The following PPM1M variants were observed in gnomAD, a reference collection of about 807,000 sequenced individuals.
The protein encoded by PPM1M is protein phosphatase, Mg2+/Mn2+ dependent 1M, also known as protein phosphatase 1M.
A neutral mutation model predicts 50.8 loss-of-function variants in PPM1M; 44 were observed. The observed-to-expected ratio is 0.87, with a 90% CI of 0.68 to 1.11. The LOEUF (loss-of-function observed/expected upper bound fraction) is 1.11. Ranked by LOEUF, PPM1M falls within the 50% of genes most tolerant of loss-of-function variation. PPM1M has a pLI of 0.00. For missense variants in PPM1M, 556 were observed against 593.4 expected, an observed-to-expected ratio of 0.94 and a Z score of 0.66; for synonymous variants, 224 against 242.9, an observed-to-expected ratio of 0.92 and a Z score of 0.72.
chr3:52,248,232 C>A lies in PPM1M; in HGVS notation c.790C>A (p.Gln264Lys). ...TPETERQRIQ[Q>K]LAFVYPELLA... is the part of the protein sequence containing the mutation. Reference sequence around the variant, plus strand: ...AGAGACTGAGCGGCAGCGGATCCAGCAGCTGGTAGGTGCCCTTGGCAGCAT... The same window carrying A: ...AGAGACTGAGCGGCAGCGGATCCAGAAGCTGGTAGGTGCCCTTGGCAGCAT... Residue 264 changes from glutamine to lysine, a missense_variant, in exon 5 of 10, where the codon CAG becomes AAG. Gln to Lys is a moderately conservative substitution (Grantham distance 53, BLOSUM62 1). Transcript: ENST00000323588. 6.2e-7 allele frequency: 1 copy of A among 1,613,048 alleles called. No individual in the cohort carries two copies. The highest frequency in any genetic ancestry group is 8.5e-7 in the Non-Finnish European group (1 of 1,179,476).
At position 52,246,736 on chromosome 3, in the gene PPM1M, C is replaced by A. The variant is rs528775868; in HGVS notation, c.266C>A (p.Ala89Asp). Residue 89 changes from alanine to aspartate, a missense_variant, in exon 2 of 10, where the codon GCC becomes GAC. Physicochemically the swap from Ala to Asp is moderately radical, Grantham distance 126 (BLOSUM62 -2). Transcript: ENST00000323588. The part of the protein sequence containing the change: ...AEKSEFNEDQ[A>D]ACGKLCIRRC... ...AAATCTGAATTCAATGAGGATCAAG[C>A]CGCCTGTGGGAAGCTGTGCATCCGG... 1.5e-6 allele frequency: 2 copies of A among 1,321,810 alleles called. No individual in the cohort carries two copies. Among genetic ancestry groups the A allele is most frequent in the African/African-American group, 3.0e-5 (2 of 66,744 alleles). 81.9% of individuals were successfully genotyped at this position (1,321,810 alleles called of 1,614,324 possible).
Position 52,248,969 on chromosome 3 carries a change from G to T in PPM1M, c.992G>T (p.Gly331Val). 1 of 1,606,982 alleles carries T rather than the reference G, an allele frequency of 6.2e-7. No homozygotes were observed. The highest frequency in any genetic ancestry group is 1.1e-5 in the South Asian group (1 of 89,810). ...ACTTTCCCTCAGGCTCGGTTACTAG[G>T]AACACTGGCTGTCTCCCGGGGCCTG... ...HGQGRQARLL[G>V]TLAVSRGLGD... The change falls in exon 8 of 10, where the codon GGA becomes GTA. Residue 331 changes from glycine to valine, a missense_variant. Gly to Val is a moderately radical substitution (Grantham distance 109). Transcript: ENST00000323588.
At chr3:52,247,575 G>A (rs1421262289) in intron 3 of PPM1M, 107 bp from the exon 4 acceptor site, 3 of 789,512 alleles carry the variant, frequency 3.8e-6, no homozygotes, top group African/African-American at 3.4e-5. Flanking sequence ...GGCTGGGACT[G>A]TCAGGCCTGC....
intron 4 of PPM1M, 49 bp from the exon 5 acceptor site, chr3:52,248,104 T>C: frequency 6.6e-7 from 1 of 1,509,308 alleles, no homozygotes; most frequent in East Asian, 2.4e-5. Flanking sequence ...TGGCCATGGG[T>C]GAGGGTGGAG....
chr3:52,249,709 G>A lies in PPM1M; in HGVS notation c.1275G>A (p.Gln425=). ...KLAQMLIHST[Q]GKEDSLTEEG... Reference sequence around the variant, plus strand: ...CCCAGATGCTGATACACAGCACACAGGGAAAGGAAGACAGTCTCACAGAGG... The same window carrying A: ...CCCAGATGCTGATACACAGCACACAAGGAAAGGAAGACAGTCTCACAGAGG... Residue 425 remains glutamine, a synonymous_variant, in exon 10 of 10, where the codon CAG becomes CAA. Coordinates refer to ENST00000323588, the MANE Select transcript of PPM1M (RefSeq NM_144641.4). 1 of 1,613,920 alleles carries A rather than the reference G, an allele frequency of 6.2e-7. No homozygotes were observed. Among genetic ancestry groups the A allele is most frequent in the South Asian group, 1.1e-5 (1 of 91,070 alleles).
Position 52,249,021 on chromosome 3 carries a change from CACA to C in PPM1M, c.1046_1048del (p.Thr349del). 1.2e-6 allele frequency: 2 copies of C among 1,611,380 alleles called. No homozygotes were observed. The highest frequency in any genetic ancestry group is 1.7e-6 in the Non-Finnish European group (2 of 1,178,824). Reference sequence around the variant, plus strand: ...GAGACCATCAGCTCAGAGTCCTGGACACAAACATCCAGCTCAAGCCCTTCTTGC... The same window carrying C: ...GAGACCATCAGCTCAGAGTCCTGGACAACATCCAGCTCAAGCCCTTCTTGC... On this transcript the variant is annotated inframe_deletion, in exon 8 of 10. Transcript: ENST00000323588.
At chr3:52,248,558 T>C (rs1577997335) in intron 6 of PPM1M, 79 bp from the exon 7 acceptor site, 6 of 1,588,452 alleles carry the variant, frequency 3.8e-6, no homozygotes, top group Non-Finnish European at 4.3e-6. Context: ...ACTGTGAGGG[T>C]GTGACAGCTG....
chr3:52,248,423 T>C lies in PPM1M; in HGVS notation c.884T>C (p.Val295Ala), dbSNP rs1699901573. Residue 295 changes from valine (V) to alanine (A), a missense_variant, in exon 6 of 10, where the codon GTT (valine) becomes GCT (alanine). By Grantham distance (64) the Val-to-Ala change is moderately conservative. Coordinates refer to ENST00000323588, the MANE Select transcript of PPM1M (RefSeq NM_144641.4). ...RLKGDDLGQK[V>A]LFRDHHMSGW... ...AAGGGGGATGACTTGGGACAGAAGG[T>C]TTTGTTCAGGGATCACCACATGAGT... 1 of 1,613,164 alleles carries C rather than the reference T, an allele frequency of 6.2e-7. No homozygotes were observed. Among genetic ancestry groups the C allele is most frequent in the Non-Finnish European group, 8.5e-7 (1 of 1,179,660 alleles).
intron 1 of PPM1M, chr3:52,246,410 T>G: frequency 1.9e-6 from 2 of 1,070,846 alleles, no homozygotes; most frequent in Non-Finnish European, 2.4e-6. Context: ...GGGACAGGGC[T>G]TTGGGCTGCG....
chr3:52,249,612 G>C, intron 9 of PPM1M, 58 bp from the exon 10 acceptor site: 1 of 1,606,058 alleles, frequency 6.2e-7, no homozygotes, highest in Non-Finnish European at 8.5e-7. Context: ...TTCTCCTAAG[G>C]TCTGGCCTTG....
rs1478236408 is a variant in PPM1M, at chr3:52,246,055, G to GCC, written c.224+10_224+11dup. The GCC allele has an allele frequency of 1.8e-6, 2 of 1,119,142 alleles. No individual in the cohort carries two copies. Among genetic ancestry groups the GCC allele is most frequent in the Non-Finnish European group, 2.2e-6 (2 of 897,560 alleles). 69.3% of individuals were successfully genotyped at this position (1,119,142 alleles called of 1,614,324 possible). On this transcript the variant is annotated splice_region_variant and intron_variant, in intron 1 of 9. Coordinates refer to ENST00000323588, the MANE Select transcript of PPM1M (RefSeq NM_144641.4). Reference sequence around the variant, plus strand: ...GGAATGCAGGCTACGCCGAGTGAGTGCCCCTCCCCGACCCCCAGCTCAGGC... The same window carrying GCC: ...GGAATGCAGGCTACGCCGAGTGAGTGCCCCCCTCCCCGACCCCCAGCTCAGGC...
Position 52,246,956 on chromosome 3 carries a change from T to C in PPM1M, c.343-18T>C. 6.5e-7 allele frequency: 1 copy of C among 1,531,192 alleles called. No homozygotes were observed. The highest frequency in any genetic ancestry group is 8.8e-7 in the Non-Finnish European group (1 of 1,136,352). 94.9% of individuals were successfully genotyped at this position (1,531,192 alleles called of 1,614,324 possible). ...GGGGAAGTCAGGCAGAGGCTGACAC[T>C]GAGCCCTTCCTGTGCAGTTCCTGAC... is the stretch of plus-strand genomic sequence containing the variant. On this transcript the variant is annotated intron_variant, in intron 2 of 9. Transcript: ENST00000323588.
chr3:52,245,927 C>A lies in PPM1M; in HGVS notation c.103C>A (p.Arg35Ser). ...HASPVPYRRPRFLRGSSSSPG... is the reference protein window; with the variant it reads ...HASPVPYRRPSFLRGSSSSPG... ...CAGCCCCGTGCCCTACCGACGGCCC[C>A]GCTTCCTTCGCGGCTCCAGCTCCAG... Residue 35 changes from arginine to serine, a missense_variant, in exon 1 of 10, where the codon CGC becomes AGC. Coordinates refer to ENST00000323588, the MANE Select transcript of PPM1M (RefSeq NM_144641.4). This position sits in a 1 kb window ranked among gnomAD's most constrained non-coding sequence, Gnocchi z 4.8. 2 of 1,239,798 alleles carry A rather than the reference C, an allele frequency of 1.6e-6. No homozygotes were observed. The highest frequency in any genetic ancestry group is 2.1e-6 in the Non-Finnish European group (2 of 966,338). 76.8% of individuals were successfully genotyped at this position (1,239,798 alleles called of 1,614,324 possible).
Position 52,247,478 on chromosome 3 carries a change from G to A in PPM1M, c.598-204G>A, listed in dbSNP as rs1699879447. On this transcript the variant is annotated intron_variant, in intron 3 of 9. Coordinates refer to ENST00000323588, the MANE Select transcript of PPM1M (RefSeq NM_144641.4). The stretch of plus-strand genomic sequence containing the variant: ...AATACCCTATTGGTCCTTGGTGCAG[G>A]GGCTGGTTTCTCTTCCTATTTTGAG... 7 of 673,626 alleles carry A rather than the reference G, an allele frequency of 1.0e-5. No individual in the cohort carries two copies. In the South Asian group the frequency reaches 1.3e-4, roughly 13 times the overall value. 41.7% of individuals were successfully genotyped at this position (673,626 alleles called of 1,614,324 possible). A position where few individuals can be genotyped will look rare whatever the true frequency, so the allele number is the denominator to read the frequency against.
intron 7 of PPM1M, 83 bp from the exon 8 acceptor site, chr3:52,248,866 CTCTCCCT>C: frequency 7.9e-7 from 1 of 1,261,008 alleles, no homozygotes; most frequent in Non-Finnish European, 1.1e-6. Flanking sequence ...CACAGTCCAC[CTCTCCCT>C]GTGTGCTCTG....
At position 52,245,801 on chromosome 3, in the gene PPM1M, CGG is replaced by C; in HGVS notation, c.-22_-21del. ...CCCAGCCCTAGCGCCCCGCGCTCCG[CGG>C]GCAGCCCCCTGCCGCCGCGCCATGT... On this transcript the variant is annotated 5_prime_UTR_variant, in exon 1 of 10. Coordinates refer to ENST00000323588, the MANE Select transcript of PPM1M (RefSeq NM_144641.4). This position sits in a 1 kb window ranked among gnomAD's most constrained non-coding sequence, Gnocchi z 4.8. The C allele has an allele frequency of 1.0e-6, 1 of 994,522 alleles. No homozygotes were observed. The highest frequency in any genetic ancestry group is 4.4e-5 in the South Asian group (1 of 22,820). 61.6% of individuals were successfully genotyped at this position (994,522 alleles called of 1,614,324 possible).
At chr3:52,246,550 T>C (rs1362889207) in intron 1 of PPM1M, 145 bp from the exon 2 acceptor site, 6 of 486,986 alleles carry the variant, frequency 1.2e-5, no homozygotes, top group African/African-American at 1.2e-4. Flanking sequence ...GCTTACATCG[T>C]GGTTGTCTAA....
At chr3:52,246,364 C>T (rs116291331) in intron 1 of PPM1M, 592 of 1,052,838 alleles carry the variant, frequency 5.6e-4, no homozygotes, top group Non-Finnish European at 6.5e-4. Context: ...GCCCTCTACC[C>T]CCACCATCTC....
intron 9 of PPM1M, 98 bp from the exon 10 acceptor site, chr3:52,249,572 G>C: frequency 6.5e-7 from 1 of 1,541,790 alleles, no homozygotes; most frequent in Non-Finnish European, 8.8e-7. Flanking sequence ...TGCATTGCTT[G>C]GGTCCCCATG....
Sources: gnomAD v4.1 joint callset for allele counts on GRCh38, gnomAD v4.1.1 for gene constraint, Gnocchi (gnomAD v3.1) non-coding constraint, MANE v1.5 for transcripts, NCBI Gene and HGNC (gene_info 2026-07-23, HGNC 2026-07-21) for gene names.